CCDC171: variants seen among roughly 807,000 people sequenced by gnomAD.
CCDC171 encodes the protein coiled-coil domain-containing protein 171.
CCDC171 carries 177 observed loss-of-function variants against 168.2 expected under a neutral mutation model. That is an observed-to-expected ratio of 1.05 (90% confidence interval 0.93 to 1.19). The LOEUF (loss-of-function observed/expected upper bound fraction) is 1.19, where lower values mean the gene tolerates loss of function less well. Among genes scored for constraint, CCDC171 ranks in the 50% most tolerant of loss-of-function variants. The pLI is 0.00. For missense variants in CCDC171, 1,991 were observed against 1,539.0 expected (o/e 1.29, Z -4.91); for synonymous variants, 687 against 540.8 (o/e 1.27, Z -3.75).
At chr9:15,878,803 A>G (rs1818211673) in intron 24 of CCDC171, among the ~76,000 whole-genome samples, 1 of 152,198 alleles carries the variant, frequency 6.6e-6, no homozygotes, top group South Asian at 2.1e-4. Flanking sequence ...AACCATAAAA[A>G]GAACGAGATC....
chr9:15,745,599 T>C lies in CCDC171; in HGVS notation c.2639T>C (p.Met880Thr). 1.9e-6 allele frequency: 3 copies of C among 1,569,518 alleles called. No individual in the cohort carries two copies. Among genetic ancestry groups the C allele is most frequent in the Non-Finnish European group, 2.6e-6 (3 of 1,160,630 alleles). Residue 880 changes from methionine (M) to threonine (T), a missense_variant, in exon 18 of 26, where the codon ATG becomes ACG. By Grantham distance (81) the Met-to-Thr change is moderately conservative. Coordinates refer to ENST00000380701, the MANE Select transcript of CCDC171 (RefSeq NM_173550.4). ...SDLLAAIISS[M>T]AELQDVIGKA... The stretch of plus-strand genomic sequence containing the variant: ...CTTCTTGCTGCAATAATCAGTTCTA[T>C]GGCTGAATTACAAGACGTCATTGGT...
rs183064997 is a variant in CCDC171, at chr9:15,861,189, T to A, written c.3468+12242T>A. 5.4e-3 allele frequency among the ~76,000 whole-genome samples: 796 copies of A among 148,268 alleles called. 11 individuals are homozygous for A. The highest frequency in any genetic ancestry group is 0.019 in the African/African-American group (768 of 40,254). ...TGCACATCCTTAAATCTAAAATGAG[T>A]TTCTCATAGACAGCGTATAGTTGGA... is the stretch of plus-strand genomic sequence containing the variant. On this transcript the variant is annotated intron_variant, in intron 23 of 25. Coordinates refer to ENST00000380701, the MANE Select transcript of CCDC171 (RefSeq NM_173550.4).
At chr9:15,952,469 C>T (rs1829306675) in intron 25 of CCDC171, among the ~76,000 whole-genome samples, 1 of 152,122 alleles carries the variant, frequency 6.6e-6, no homozygotes, top group African/African-American at 2.4e-5. Flanking sequence ...GTGATCTCAG[C>T]TCACTGCAAC....
intron 8 of CCDC171, among the ~76,000 whole-genome samples, chr9:15,663,436 C>G (rs1056172370): frequency 9.3e-5 from 14 of 150,662 alleles, no homozygotes; most frequent in African/African-American, 3.2e-4. Flanking sequence ...TATTCTTGTC[C>G]CTCCCATTCC....
intron 25 of CCDC171, among the ~76,000 whole-genome samples, chr9:15,936,061 T>G (rs1481843231): frequency 6.6e-6 from 1 of 152,088 alleles, no homozygotes; most frequent in Non-Finnish European, 1.5e-5. Flanking sequence ...TGTCACATTC[T>G]AGATTCTCAT....
chr9:15,874,845 G>A (rs1563918392), intron 24 of CCDC171, 182 bp downstream of exon 24: 3 of 514,660 alleles, frequency 5.8e-6, no homozygotes, highest in Non-Finnish European at 9.0e-6. Flanking sequence ...TTTCTTTAAA[G>A]CCTAGAACTA....
At chr9:15,833,386 C>G (rs754506938) in intron 21 of CCDC171, among the ~76,000 whole-genome samples, 1 of 152,078 alleles carries the variant, frequency 6.6e-6, no homozygotes, top group Non-Finnish European at 1.5e-5. Flanking sequence ...CATCTGGAAA[C>G]TGAAGTGTTC....
chr9:15,816,267 G>C lies in CCDC171; in HGVS notation c.3268-30435G>C, dbSNP rs1278760682. Among the ~76,000 whole-genome samples, 2 of 116,888 alleles carry C rather than the reference G, an allele frequency of 1.7e-5. 1 individual carries two copies. Among genetic ancestry groups the C allele is most frequent in the Non-Finnish European group, 3.8e-5 (2 of 52,076 alleles). 76.7% of individuals were successfully genotyped at this position (116,888 alleles called of 152,430 possible). On this transcript the variant is annotated intron_variant, in intron 21 of 25. Coordinates refer to ENST00000380701, the MANE Select transcript of CCDC171 (RefSeq NM_173550.4). The stretch of plus-strand genomic sequence containing the variant: ...AAAATTAAAATATTTGAATCATACA[G>C]TTCAATTTGTATAAACTTTTTTACA...
Position 15,779,118 on chromosome 9 carries a change from C to G in CCDC171, c.3049C>G (p.Leu1017Val), listed in dbSNP as rs1202752056. ...AAAGGAGCTTGACAAAGCCCAGGGT[C>G]TGCAAATGCAATTAAATGAATTTAA... The part of the protein sequence containing the change: ...MKKELDKAQG[L>V]QMQLNEFKQS... Residue 1017 changes from leucine (L) to valine (V), a missense_variant, in exon 20 of 26, where the codon CTG becomes GTG. By Grantham distance (32) the Leu-to-Val change is conservative. Transcript: ENST00000380701. The G allele has an allele frequency of 1.9e-6, 3 of 1,584,500 alleles. No individual in the cohort carries two copies. The highest frequency in any genetic ancestry group is 3.4e-4 in the Middle Eastern group (2 of 5,956).
intron 25 of CCDC171, among the ~76,000 whole-genome samples, chr9:15,944,556 T>C (rs1156566090): frequency 1.3e-5 from 2 of 152,018 alleles, no homozygotes; most frequent in African/African-American, 4.8e-5. Context: ...TGAACTCTTA[T>C]TATGCTGTAT....
intron 6 of CCDC171, among the ~76,000 whole-genome samples, chr9:15,604,300 G>T (rs972912191): frequency 3.3e-5 from 5 of 152,062 alleles, no homozygotes; most frequent in Non-Finnish European, 7.4e-5. Flanking sequence ...ATTGCTTATG[G>T]TGAGTTTGTC....
chr9:15,805,989 GTCTT>G (rs1275249457), intron 21 of CCDC171, among the ~76,000 whole-genome samples: 2 of 151,088 alleles, frequency 1.3e-5, no homozygotes, highest in African/African-American at 4.8e-5. Flanking sequence ...CTTGTTGAAT[GTCTT>G]TCTTTGTCTT....
intron 1 of CCDC171, among the ~76,000 whole-genome samples, chr9:15,558,003 T>C (rs1270423100): frequency 1.3e-5 from 2 of 152,124 alleles, no homozygotes; most frequent in African/African-American, 4.8e-5. Flanking sequence ...AATCATGTGG[T>C]TTTTGTCATT....
At chr9:15,932,564 A>G (rs894610639) in intron 25 of CCDC171, among the ~76,000 whole-genome samples, 1 of 151,906 alleles carries the variant, frequency 6.6e-6, no homozygotes. Flanking sequence ...AACAGAGACA[A>G]CTTGACATCC....
intron 21 of CCDC171, among the ~76,000 whole-genome samples, chr9:15,831,181 C>G (rs1020450828): frequency 3.3e-5 from 5 of 151,730 alleles, no homozygotes; most frequent in Non-Finnish European, 7.4e-5. Context: ...ACCATGTTAG[C>G]CAGGATGGTC....
At chr9:15,650,824 C>T (rs899745888) in intron 7 of CCDC171, among the ~76,000 whole-genome samples, 1 of 152,020 alleles carries the variant, frequency 6.6e-6, no homozygotes, top group African/African-American at 2.4e-5. Context: ...TTAGGCTATT[C>T]ATCATCTTGA....
intron 2 of CCDC171, among the ~76,000 whole-genome samples, chr9:15,568,100 T>G (rs1184369470): frequency 6.6e-6 from 1 of 152,134 alleles, no homozygotes; most frequent in Non-Finnish European, 1.5e-5. Context: ...GTGACCTTGC[T>G]GAAATTGATT....
chr9:16,079,098 T>A, the CCDC171 span, among the ~76,000 whole-genome samples: 1 of 152,214 alleles, frequency 6.6e-6, no homozygotes, highest in Middle Eastern at 3.2e-3. Flanking sequence ...AGCTTTTTAT[T>A]GCACCCTAAA....
At chr9:15,787,336 G>C (rs1588492214) in intron 21 of CCDC171, among the ~76,000 whole-genome samples, 1 of 151,908 alleles carries the variant, frequency 6.6e-6, no homozygotes, top group African/African-American at 2.4e-5. Context: ...TTTCTGTCTA[G>C]CTGAAACTTT....
Sources: allele counts gnomAD v4.1 joint callset (sites outside exome capture counted in the v4.1 genomes callset), GRCh38; gene constraint gnomAD v4.1.1; transcripts MANE v1.5; gene names NCBI Gene and HGNC (gene_info 2026-07-23, HGNC 2026-07-21).